RBBP6: variants seen among roughly 807,000 people sequenced by gnomAD.
RBBP6 encodes RB binding protein 6, ubiquitin ligase, also known as E3 ubiquitin-protein ligase RBBP6.
RBBP6 carries 25 observed loss-of-function variants against 167.7 expected under a neutral mutation model. The observed-to-expected ratio is 0.15, with a 90% confidence interval of 0.11 to 0.21. The LOEUF is 0.21. Among genes scored for constraint, RBBP6 ranks in the 10% least tolerant of loss-of-function variants. The pLI is 1.00. For synonymous variants in RBBP6, 789 were observed against 735.8 expected (o/e 1.07, Z -1.17); for missense variants, 1,868 against 2,134.2 (o/e 0.88, Z 2.46).
chr16:24,563,277 C>G lies in RBBP6; in HGVS notation c.1368C>G (p.Thr456=). Residue 456 remains threonine (T), a synonymous_variant, in exon 11 of 18, where the codon ACC becomes ACG. Coordinates refer to ENST00000319715, the MANE Select transcript of RBBP6 (RefSeq NM_006910.5). ...HSKGTSSIAI[T]ALMEEKGYQV... ...AGGGAACCTCCTCAATTGCAATTAC[C>G]GCTCTTATGGAAGAGAAGGTAAATT... The G allele has an allele frequency of 6.2e-7, 1 of 1,609,986 alleles. No individual in the cohort carries two copies. Among genetic ancestry groups the G allele is most frequent in the Non-Finnish European group, 8.5e-7 (1 of 1,178,034 alleles).
At chr16:24,570,644 A>G (rs1412608615) in intron 17 of RBBP6, 145 bp downstream of exon 17, 1 of 882,480 alleles carries the variant, frequency 1.1e-6, no homozygotes, top group Non-Finnish European at 1.6e-6. Flanking sequence ...TTGTCTTTGA[A>G]GAAGGGAATT....
intron 17 of RBBP6, 117 bp from the exon 18 acceptor site, chr16:24,570,758 TG>T: frequency 7.3e-6 from 7 of 960,666 alleles, no homozygotes; most frequent in Non-Finnish European, 1.0e-5. Context: ...ATAAGTTTTT[TG>T]TTTTTTTTAA....
chr16:24,562,535 A>G (rs928953400), intron 10 of RBBP6, among the ~76,000 whole-genome samples: 2 of 152,178 alleles, frequency 1.3e-5, no homozygotes, highest in Non-Finnish European at 2.9e-5. Flanking sequence ...TAGGTAGAGA[A>G]GAGGGGGTAA....
At chr16:24,545,321 C>T (rs1250682914) in intron 1 of RBBP6, among the ~76,000 whole-genome samples, 1 of 152,164 alleles carries the variant, frequency 6.6e-6, no homozygotes, top group African/African-American at 2.4e-5. Flanking sequence ...ATCCGCCCCC[C>T]TCAGCCTCCC....
rs749692982 is a variant in RBBP6, at chr16:24,571,837, C to G, written c.4771C>G (p.Leu1591Val). ...AAGTGGCAATAAACTACTTTATATA[C>G]TTAACCCACCAGAGACACAGGTTGA... ...ESSGNKLLYI[L>V]NPPETQVEKE... Residue 1591 changes from leucine (L) to valine (V), a missense_variant, in exon 18 of 18, where the codon CTT becomes GTT. Coordinates refer to ENST00000319715, the MANE Select transcript of RBBP6 (RefSeq NM_006910.5). 15 of 1,614,016 alleles carry G rather than the reference C, an allele frequency of 9.3e-6. No homozygotes were observed. The highest frequency in any genetic ancestry group is 1.3e-5 in the Non-Finnish European group (15 of 1,180,004).
At chr16:24,559,757 GTTTTAATAATAAAATAAATAA>G (rs1462990179) in intron 8 of RBBP6, 80 bp downstream of exon 8, 1 of 1,207,706 alleles carries the variant, frequency 8.3e-7, no homozygotes, top group Non-Finnish European at 1.1e-6. Context: ...AACCTCATAT[GTTTTAATAATAAAATAAATAA>G]TGTTGATGAC....
intron 8 of RBBP6, 47 bp from the exon 9 acceptor site, chr16:24,561,565 T>C (rs750671575): frequency 6.1e-6 from 5 of 823,664 alleles, no homozygotes; most frequent in South Asian, 2.1e-5. Context: ...CGTAAACACT[T>C]TGAGTTCCTA....
At chr16:24,551,924 C>T (rs1898806020) in intron 3 of RBBP6, among the ~76,000 whole-genome samples, 1 of 151,534 alleles carries the variant, frequency 6.6e-6, no homozygotes, top group Admixed American at 6.6e-5. Flanking sequence ...TTGAGTAGGT[C>T]AGAACTTATT....
In RBBP6 at chr16:24,540,334, G is replaced by A. The variant is rs1231249493; in HGVS notation, c.-293G>A. The A allele has an allele frequency of 6.9e-6, 2 of 288,240 alleles. No homozygotes were observed. The highest frequency in any genetic ancestry group is 1.3e-5 in the Non-Finnish European group (2 of 151,426). 17.9% of individuals were successfully genotyped at this position (288,240 alleles called of 1,614,324 possible). On this transcript the variant is annotated 5_prime_UTR_variant, in exon 1 of 18. Coordinates refer to ENST00000319715, the MANE Select transcript of RBBP6 (RefSeq NM_006910.5). The stretch of plus-strand genomic sequence containing the variant: ...TCTCTGCCGGCCCCTTAGCATGAGC[G>A]AGGGGGACCCAGCCGGGTGACATTG...
Position 24,569,041 on chromosome 16 carries a change from G to A in RBBP6, c.2351G>A (p.Arg784His), listed in dbSNP as rs1338182852. ...QAFRGQSPNK[R>H]NVPQGETERE... is the part of the protein sequence containing the mutation. ...TTTAGGGGACAGTCTCCTAATAAACGTAATGTACCTCAAGGGGAAACAGAA... is the reference window on the plus strand; with the variant it reads ...TTTAGGGGACAGTCTCCTAATAAACATAATGTACCTCAAGGGGAAACAGAA... The change falls in exon 17 of 18, where the codon CGT becomes CAT. Residue 784 changes from arginine (R) to histidine (H), a missense_variant. This residue lies in a region of RBBP6 where 673 missense variants were observed against 691.5 expected (regional missense o/e 0.97). Transcript: ENST00000319715. The A allele has an allele frequency of 7.4e-6, 12 of 1,614,108 alleles. No homozygotes were observed. Among genetic ancestry groups the A allele is most frequent in the Non-Finnish European group, 9.3e-6 (11 of 1,180,002 alleles).
At chr16:24,555,783 A>G (rs1265905542) in intron 5 of RBBP6, 38 bp from the exon 6 acceptor site, 12 of 1,584,008 alleles carry the variant, frequency 7.6e-6, no homozygotes, top group Non-Finnish European at 1.0e-5. Flanking sequence ...ATTTTTTCAA[A>G]GTCCTCGTAT....
intron 3 of RBBP6, among the ~76,000 whole-genome samples, chr16:24,551,877 A>G (rs929623251): frequency 1.3e-5 from 2 of 151,830 alleles, no homozygotes; most frequent in African/African-American, 2.4e-5. Context: ...ACTTAAAATC[A>G]AGTAACTTCT....
chr16:24,557,911 G>A lies in RBBP6; in HGVS notation c.674+1464G>A, dbSNP rs540382989. 9.2e-5 allele frequency among the ~76,000 whole-genome samples: 14 copies of A among 152,240 alleles called. No individual in the cohort carries two copies. The East Asian group carries it at 2.7e-3, about 29-fold the overall frequency. ...AAATAGTGTTTTCGTTCACAGATAA[G>A]AATGTTTTCCTAAACTCCCAACCCT... On this transcript the variant is annotated intron_variant, in intron 7 of 17. Transcript: ENST00000319715.
In RBBP6 at chr16:24,571,586, C is replaced by T. The variant is rs1364767218; in HGVS notation, c.4520C>T (p.Ser1507Phe). ...GACTCTCCTTCTCGGAATAAAGATTCTGCATCTGGACAGAAAAATAAACCA... is the reference window on the plus strand; with the variant it reads ...GACTCTCCTTCTCGGAATAAAGATTTTGCATCTGGACAGAAAAATAAACCA... ...RKDSPSRNKD[S>F]ASGQKNKPRE... is the part of the protein sequence containing the mutation. Residue 1507 changes from serine (S) to phenylalanine (F), a missense_variant, in exon 18 of 18, where the codon TCT (serine) becomes TTT (phenylalanine). By Grantham distance (155) the Ser-to-Phe change is radical. Transcript: ENST00000319715. 2 of 1,612,102 alleles carry T rather than the reference C, an allele frequency of 1.2e-6. No homozygotes were observed. The highest frequency in any genetic ancestry group is 2.2e-5 in the East Asian group (1 of 44,854).
In RBBP6 at chr16:24,569,364, C is replaced by A; in HGVS notation, c.2674C>A (p.Arg892=). The A allele has an allele frequency of 6.2e-7, 1 of 1,613,856 alleles. No homozygotes were observed. The highest frequency in any genetic ancestry group is 1.1e-5 in the South Asian group (1 of 91,048). ...DYVGGQSHRS[R]NIGSNYPEKL... ...TGTTGGTGGGCAAAGTCATAGAAGT[C>A]GAAACATAGGTAGCAACTATCCAGA... Residue 892 remains arginine, a synonymous_variant, in exon 17 of 18, where the codon CGA becomes AGA. Transcript: ENST00000319715.
intron 1 of RBBP6, among the ~76,000 whole-genome samples, chr16:24,541,726 T>G (rs1291144152): frequency 2.6e-5 from 4 of 152,222 alleles, no homozygotes; most frequent in African/African-American, 9.6e-5. Flanking sequence ...TTTTGGTTTC[T>G]TTTTCTCAGA....
At position 24,561,484 on chromosome 16, in the gene RBBP6, A is replaced by G. The variant is rs1053057263; in HGVS notation, c.848-128A>G. ...TTACTTAAGTTTCTTAATCTAAGAA[A>G]TGATTAGCACGACATGCTTGGAAAA... On this transcript the variant is annotated intron_variant, in intron 8 of 17. Coordinates refer to ENST00000319715, the MANE Select transcript of RBBP6 (RefSeq NM_006910.5). 1.6e-5 allele frequency: 12 copies of G among 760,018 alleles called. No homozygotes were observed. The African/African-American group carries it at 2.1e-4, about 13-fold the overall frequency. The allele number at this position is 760,018 out of a possible 1,614,324, so 47.1% of individuals were successfully genotyped here.
intron 8 of RBBP6, among the ~76,000 whole-genome samples, chr16:24,561,375 G>A (rs1434907563): frequency 1.3e-5 from 2 of 152,152 alleles, no homozygotes; most frequent in Non-Finnish European, 2.9e-5. Flanking sequence ...ACAGGCACAT[G>A]CCAGCACACC....
chr16:24,563,286 G>A lies in RBBP6; in HGVS notation c.1377G>A (p.Met459Ile). Residue 459 changes from methionine to isoleucine, a missense_variant, in exon 11 of 18, where the codon ATG (methionine) becomes ATA (isoleucine). Physicochemically the swap from Met to Ile is conservative, Grantham distance 10 (BLOSUM62 1). Transcript: ENST00000319715. ...GTSSIAITAL[M>I]EEKGYQVPVL... ...CCTCAATTGCAATTACCGCTCTTAT[G>A]GAAGAGAAGGTAAATTTTACTGGTG... 1 of 1,606,838 alleles carries A rather than the reference G, an allele frequency of 6.2e-7. No individual in the cohort carries two copies. The highest frequency in any genetic ancestry group is 2.2e-5 in the East Asian group (1 of 44,728).
Sources: gnomAD v4.1 joint callset for allele counts (sites outside exome capture counted in the v4.1 genomes callset) on GRCh38, gnomAD v4.1.1 for gene constraint, gnomAD v4.1.1 regional missense constraint, MANE v1.5 for transcripts, NCBI Gene and HGNC (gene_info 2026-07-23, HGNC 2026-07-21) for gene names.